Variants in MYO10 observed in about 807,000 individuals in gnomAD.
MYO10 encodes unconventional myosin-X.
In MYO10, 133 loss-of-function variants were observed where a neutral mutation model predicts 257.3. That is an observed-to-expected ratio of 0.52 (90% CI 0.45 to 0.60). The LOEUF (loss-of-function observed/expected upper bound fraction) is 0.60. Ranked by LOEUF, MYO10 falls within the 20% of genes least tolerant of loss-of-function variation. The pLI, the probability that MYO10 is intolerant of heterozygous loss-of-function variation, is 0.00. For missense variants in MYO10, 2,399 were observed against 2,635.7 expected (o/e 0.91, Z 1.97); for synonymous variants, 1,104 against 1,028.6 (o/e 1.07, Z -1.40).
rs1263764721 is a variant in MYO10 at position 16,757,116 on chromosome 5, C to CT, written c.1848+1001dup. Among the ~76,000 whole-genome samples the CT allele has an allele frequency of 1.3e-4, 17 of 126,800 alleles. 1 individual carries two copies. The highest frequency in any genetic ancestry group is 3.5e-4 in the Admixed American group (4 of 11,492). The allele number at this position is 126,800 out of a possible 152,430, so 83.2% of individuals were successfully genotyped here. A position where few individuals can be genotyped will look rare whatever the true frequency, so the allele number is the denominator to read the frequency against. On this transcript the variant is annotated intron_variant, in intron 18 of 40. Coordinates refer to ENST00000513610, the MANE Select transcript of MYO10 (RefSeq NM_012334.3). ...CCTGGGTGACAGAGCGAGACTCTGCCTTTAAAAAAAAAAAAAAAAAAAAAA... is the reference window on the plus strand; with the variant it reads ...CCTGGGTGACAGAGCGAGACTCTGCCTTTTAAAAAAAAAAAAAAAAAAAAAA...
chr5:16,674,346 G>C (rs994118479), intron 35 of MYO10, among the ~76,000 whole-genome samples: 3 of 152,026 alleles, frequency 2.0e-5, no homozygotes, highest in Non-Finnish European at 4.4e-5. Flanking sequence ...GCGGGCGCCT[G>C]TAATCTCAGC....
intron 9 of MYO10, among the ~76,000 whole-genome samples, chr5:16,776,038 C>T (rs1195339747): frequency 2.0e-5 from 3 of 151,630 alleles, no homozygotes; most frequent in East Asian, 1.9e-4. Flanking sequence ...TGGGTTTACA[C>T]GTGTGTGCCA....
At chr5:16,677,263 ATTAC>A (rs1473799622) in intron 33 of MYO10, among the ~76,000 whole-genome samples, 3 of 152,186 alleles carry the variant, frequency 2.0e-5, no homozygotes, top group African/African-American at 2.4e-5. Context: ...AAATTTTTTA[ATTAC>A]TTAAATAATT....
intron 1 of MYO10, chr5:16,916,189 G>A: frequency 2.2e-6 from 1 of 455,274 alleles, no homozygotes. Context: ...CGCCACGTCA[G>A]GGTCAGCTAA....
At chr5:16,683,997 T>G (rs1012351951) in intron 29 of MYO10, 62 bp from the exon 30 acceptor site, 7 of 1,465,572 alleles carry the variant, frequency 4.8e-6, no homozygotes, top group Non-Finnish European at 6.6e-6. Flanking sequence ...CACACTACAG[T>G]AATACCTCTA....
chr5:16,911,804 G>A (rs577821562), intron 1 of MYO10, among the ~76,000 whole-genome samples: 2 of 152,030 alleles, frequency 1.3e-5, no homozygotes, highest in African/African-American at 4.8e-5. Context: ...TTAGGAGGCC[G>A]AGGTGGGTGG....
At chr5:16,821,702 G>A (rs1368796712) in intron 2 of MYO10, among the ~76,000 whole-genome samples, 16 of 151,724 alleles carry the variant, frequency 1.1e-4, no homozygotes, top group Non-Finnish European at 2.4e-4. Context: ...TCCTGACCTC[G>A]TGATCCACCT....
Position 16,898,938 on chromosome 5 carries a change from C to A in MYO10, c.22-21231G>T, listed in dbSNP as rs571845380. 4.8e-5 allele frequency among the ~76,000 whole-genome samples: 3 copies of A among 62,672 alleles called. No individual in the cohort carries two copies. In the East Asian group the frequency reaches 1.8e-3, roughly 37 times the overall value. 41.1% of individuals were successfully genotyped at this position (62,672 alleles called of 152,430 possible). ...AGGCGGGCAGATCACCTGAGCCTGGCCACCTGGCCAACATGGTGAAACCCC... is the reference window on the plus strand; with the variant it reads ...AGGCGGGCAGATCACCTGAGCCTGGACACCTGGCCAACATGGTGAAACCCC... On this transcript the variant is annotated intron_variant, in intron 1 of 40. Transcript: ENST00000513610.
intron 2 of MYO10, among the ~76,000 whole-genome samples, chr5:16,821,813 G>A (rs962729533): frequency 1.3e-5 from 2 of 151,944 alleles, no homozygotes; most frequent in Admixed American, 6.6e-5. Flanking sequence ...CATTCCAGGG[G>A]TGGAAAAATC....
rs193224015 is a variant in MYO10 at position 16,676,816 on chromosome 5, C to T, written c.4543-662G>A. 2.2e-3 allele frequency among the ~76,000 whole-genome samples: 335 copies of T among 152,180 alleles called. 1 individual carries two copies. Among genetic ancestry groups the T allele is most frequent in the African/African-American group, 7.8e-3 (322 of 41,498 alleles). On this transcript the variant is annotated intron_variant, in intron 33 of 40. Coordinates refer to ENST00000513610, the MANE Select transcript of MYO10 (RefSeq NM_012334.3). ...CCCAGGAGTTTGAGACCAGCCTGGG[C>T]AACATAGTGAGGCCCTGTCTCTATA...
intron 6 of MYO10, among the ~76,000 whole-genome samples, 152 bp downstream of exon 6, chr5:16,781,551 GTA>G (rs2126669478): frequency 6.6e-6 from 1 of 152,192 alleles, no homozygotes; most frequent in African/African-American, 2.4e-5. Flanking sequence ...AAATTAACAG[GTA>G]TACTAACATT....
intron 2 of MYO10, among the ~76,000 whole-genome samples, chr5:16,825,542 C>T (rs535984664): frequency 2.9e-4 from 44 of 152,156 alleles, no homozygotes; most frequent in Non-Finnish European, 5.0e-4. Flanking sequence ...TTTTAAATGC[C>T]AGCTATGACC....
In MYO10 at chr5:16,710,917, C is replaced by T. The variant is rs1738570356; in HGVS notation, c.2160G>A (p.Gly720=). 1 of 1,613,370 alleles carries T rather than the reference C, an allele frequency of 6.2e-7. No individual in the cohort carries two copies. Among genetic ancestry groups the T allele is most frequent in the Non-Finnish European group, 8.5e-7 (1 of 1,179,738 alleles). ...YDASNSEWQL[G]KTKVFLRESL... is the part of the protein sequence containing the mutation. Reference sequence around the variant, plus strand: ...TTTCTCCGCATCGTACCTTGGTCTTCCCCAGCTGCCACTCGCTGTTGGAGG... The same window carrying T: ...TTTCTCCGCATCGTACCTTGGTCTTTCCCAGCTGCCACTCGCTGTTGGAGG... The change falls in exon 21 of 41, where the codon GGG becomes GGA. Residue 720 remains glycine (G), a synonymous_variant. Transcript: ENST00000513610.
chr5:16,853,770 G>C (rs1743881170), intron 2 of MYO10, among the ~76,000 whole-genome samples: 1 of 152,146 alleles, frequency 6.6e-6, no homozygotes, highest in South Asian at 2.1e-4. Context: ...ATTCTTCACA[G>C]TGGGAGAGAA....
At chr5:16,871,484 G>A (rs1013787607) in intron 2 of MYO10, among the ~76,000 whole-genome samples, 17 of 152,210 alleles carry the variant, frequency 1.1e-4, no homozygotes, top group Admixed American at 3.9e-4. Context: ...GCATGTGCCC[G>A]TGGTCCCAGC....
intron 2 of MYO10, among the ~76,000 whole-genome samples, chr5:16,835,051 G>A (rs1301625189): frequency 5.9e-5 from 9 of 152,058 alleles, no homozygotes; most frequent in Non-Finnish European, 8.8e-5. Flanking sequence ...GGTGGCACAC[G>A]CCTGTACCCC....
chr5:16,921,070 A>G (rs572869498), intron 1 of MYO10, among the ~76,000 whole-genome samples: 2 of 152,046 alleles, frequency 1.3e-5, no homozygotes, highest in Non-Finnish European at 2.9e-5. Flanking sequence ...GTGAGCCAAG[A>G]TCGCACCACT....
At position 16,662,663 on chromosome 5, in the gene MYO10, G is replaced by T. The variant is rs1322672488; in HGVS notation, c.*4029C>A. 1 of 152,010 alleles carries T rather than the reference G, an allele frequency of 6.6e-6. No individual in the cohort carries two copies. The highest frequency in any genetic ancestry group is 1.9e-4 in the East Asian group (1 of 5,168). 9.4% of individuals were successfully genotyped at this position (152,010 alleles called of 1,614,324 possible). A position where few individuals can be genotyped will look rare whatever the true frequency, so the allele number is the denominator to read the frequency against. Reference sequence around the variant, plus strand: ...AGAACTTAGGTGGTGATATGGTTTGGCTCTGTCCCCACCCAAATCTCATCT... The same window carrying T: ...AGAACTTAGGTGGTGATATGGTTTGTCTCTGTCCCCACCCAAATCTCATCT... On this transcript the variant is annotated 3_prime_UTR_variant, in exon 41 of 41. Coordinates refer to ENST00000513610, the MANE Select transcript of MYO10 (RefSeq NM_012334.3).
chr5:16,769,259 G>A (rs1740975084), intron 9 of MYO10, 56 bp from the exon 10 acceptor site: 3 of 1,497,146 alleles, frequency 2.0e-6, no homozygotes, highest in African/African-American at 1.4e-5. Flanking sequence ...TGAAGAAAAT[G>A]TAGAATATCC....
Sources: gnomAD v4.1 joint callset for allele counts (sites outside exome capture counted in the v4.1 genomes callset) on GRCh38, gnomAD v4.1.1 for gene constraint, MANE v1.5 for transcripts, NCBI Gene and HGNC (gene_info 2026-07-23, HGNC 2026-07-21) for gene names.